Variants in CADM2 observed in about 807,000 individuals in gnomAD.
CADM2 encodes the protein cell adhesion molecule 2, also known as immunoglobulin superfamily member 4D.
CADM2 carries 12 observed loss-of-function variants against 49.8 expected under a neutral mutation model. The ratio of observed to expected loss-of-function variants is 0.24; its 90% confidence interval spans 0.15 to 0.39. CADM2 has a LOEUF of 0.39. CADM2 is among the 10% of genes least tolerant of loss of function. The pLI, the probability that CADM2 is intolerant of heterozygous loss-of-function variation, is 1.00. For synonymous variants in CADM2, 214 were observed against 175.4 expected, an observed-to-expected ratio of 1.22 and a Z score of -1.74; for missense variants, 378 against 492.3, an observed-to-expected ratio of 0.77 and a Z score of 2.20.
At chr3:85,420,176 A>G (rs2036103595) in intron 1 of CADM2, among the ~76,000 whole-genome samples, 1 of 152,098 alleles carries the variant, frequency 6.6e-6, no homozygotes, top group South Asian at 2.1e-4. Flanking sequence ...GGGGAGAAAA[A>G]CTGCTTGCCA....
At chr3:85,264,197 A>G (rs1456930273) in intron 1 of CADM2, among the ~76,000 whole-genome samples, 1 of 152,102 alleles carries the variant, frequency 6.6e-6, no homozygotes, top group Non-Finnish European at 1.5e-5. Flanking sequence ...AGACTTTCCT[A>G]TTAATTCTGC....
intron 3 of CADM2, among the ~76,000 whole-genome samples, chr3:85,849,667 C>G (rs895472659): frequency 1.3e-5 from 2 of 152,040 alleles, no homozygotes; most frequent in African/African-American, 2.4e-5. Flanking sequence ...ATATATAAGC[C>G]ACGCCTGGTG....
intron 1 of CADM2, among the ~76,000 whole-genome samples, chr3:85,525,163 T>TA (rs1176839219): frequency 6.6e-6 from 1 of 152,086 alleles, no homozygotes; most frequent in Non-Finnish European, 1.5e-5. Context: ...AGTAAAAAAT[T>TA]AAAAAATAAA....
intron 1 of CADM2, among the ~76,000 whole-genome samples, chr3:85,716,205 C>T (rs1479091713): frequency 3.9e-5 from 6 of 152,146 alleles, no homozygotes; most frequent in Non-Finnish European, 1.5e-5. Flanking sequence ...ATTCTAACTG[C>T]CATGAGATGG....
chr3:85,169,958 A>G (rs538708131), intron 1 of CADM2, among the ~76,000 whole-genome samples: 36 of 152,300 alleles, frequency 2.4e-4, no homozygotes, highest in Non-Finnish European at 1.0e-4. Flanking sequence ...TGTTGAGCAA[A>G]TTATTTATCT....
intron 1 of CADM2, among the ~76,000 whole-genome samples, chr3:85,666,930 A>C (rs2065588291): frequency 6.6e-6 from 1 of 152,052 alleles, no homozygotes; most frequent in African/African-American, 2.4e-5. Flanking sequence ...ATATATTCTA[A>C]AATAAAACTC....
At chr3:84,983,214 A>G (rs899651894) in intron 1 of CADM2, among the ~76,000 whole-genome samples, 1 of 152,140 alleles carries the variant, frequency 6.6e-6, no homozygotes, top group African/African-American at 2.4e-5. Context: ...ACCATTTAAA[A>G]TAGATATAAA....
Position 85,210,388 on chromosome 3 carries a change from A to T in CADM2, c.61+250720A>T, listed in dbSNP as rs146625745. On this transcript the variant is annotated intron_variant, in intron 1 of 9. Transcript: ENST00000383699. ...AACACAATCAGCTAGCATTTTATTG[A>T]ATATTTTTGCATTAATGTTCGTCAG... Among the ~76,000 whole-genome samples the T allele has an allele frequency of 3.9e-5, 6 of 152,096 alleles. No homozygotes were observed. The East Asian group carries it at 9.7e-4, about 25-fold the overall frequency.
At chr3:85,132,089 A>C (rs908119164) in intron 1 of CADM2, among the ~76,000 whole-genome samples, 2 of 152,214 alleles carry the variant, frequency 1.3e-5, no homozygotes, top group African/African-American at 4.8e-5. Flanking sequence ...TGAAATGAGA[A>C]GGGATAATGT....
intron 1 of CADM2, among the ~76,000 whole-genome samples, chr3:85,638,935 G>C (rs574143977): frequency 6.6e-6 from 1 of 151,686 alleles, no homozygotes; most frequent in Non-Finnish European, 1.5e-5. Flanking sequence ...TTGTTTTGAA[G>C]AAGAAGAAGA....
intron 1 of CADM2, among the ~76,000 whole-genome samples, chr3:85,607,946 C>G (rs112429362): frequency 6.6e-6 from 1 of 151,934 alleles, no homozygotes; most frequent in Admixed American, 6.6e-5. Context: ...TGAGCCACCA[C>G]GCCCGGCCAA....
intron 8 of CADM2, chr3:85,994,133 T>C (rs1483359967): frequency 6.6e-6 from 1 of 152,248 alleles, no homozygotes; most frequent in Non-Finnish European, 1.5e-5. Context: ...TAAATGCTGT[T>C]GCTTAGTGCA....
chr3:85,588,113 A>G (rs1244565063), intron 1 of CADM2, among the ~76,000 whole-genome samples: 1 of 152,002 alleles, frequency 6.6e-6, no homozygotes, highest in Non-Finnish European at 1.5e-5. Flanking sequence ...ATCCTGACTC[A>G]TTTCAGAAAT....
intron 2 of CADM2, among the ~76,000 whole-genome samples, chr3:85,774,260 T>A (rs2107965802): frequency 6.6e-6 from 1 of 152,018 alleles, no homozygotes; most frequent in South Asian, 2.1e-4. Flanking sequence ...TTCGGATGAT[T>A]TCCACATGCA....
At position 86,072,587 on chromosome 3, in the gene CADM2, G is replaced by A. The variant is rs1196325304; in HGVS notation, c.*5804G>A. 6.6e-6 allele frequency: 1 copy of A among 151,996 alleles called. No individual in the cohort carries two copies. The highest frequency in any genetic ancestry group is 2.4e-5 in the African/African-American group (1 of 41,410). The allele number at this position is 151,996 out of a possible 1,614,324, so 9.4% of individuals were successfully genotyped here. ...CAGCAGTAACTACATGGACTTTTAA[G>A]TGCGGTATGAAATGCAACATTACGC... On this transcript the variant is annotated 3_prime_UTR_variant, in exon 10 of 10. Transcript: ENST00000383699.
intron 3 of CADM2, among the ~76,000 whole-genome samples, chr3:85,811,024 G>C (rs1164870968): frequency 6.6e-6 from 1 of 152,166 alleles, no homozygotes; most frequent in African/African-American, 2.4e-5. Flanking sequence ...AATTTTGGCA[G>C]TTACATGAAT....
chr3:85,988,334 G>A (rs1728363932), intron 8 of CADM2, among the ~76,000 whole-genome samples: 2 of 152,140 alleles, frequency 1.3e-5, no homozygotes, highest in South Asian at 4.1e-4. Context: ...CTACTTGATG[G>A]AAAGTGTGTA....
rs1739707788 is a variant in CADM2, at chr3:86,069,932, C to G, written c.*3149C>G. The G allele has an allele frequency of 6.6e-6, 1 of 151,742 alleles. No homozygotes were observed. The highest frequency in any genetic ancestry group is 2.4e-5 in the African/African-American group (1 of 41,478). The allele number at this position is 151,742 out of a possible 1,614,324, so 9.4% of individuals were successfully genotyped here. A position where few individuals can be genotyped will look rare whatever the true frequency, so the allele number is the denominator to read the frequency against. On this transcript the variant is annotated 3_prime_UTR_variant, in exon 10 of 10. Transcript: ENST00000383699. The stretch of plus-strand genomic sequence containing the variant: ...TGTGAGTGCAAGATTAAAGACAGAG[C>G]GCATGAGCAGAGTACTGATGGTGTG...
intron 1 of CADM2, among the ~76,000 whole-genome samples, chr3:85,021,639 G>T (rs1205331642): frequency 6.6e-6 from 1 of 152,090 alleles, no homozygotes; most frequent in African/African-American, 2.4e-5. Context: ...GCCAGGCGTG[G>T]TGGTGGGTGC....
Sources: gnomAD v4.1 joint callset for allele counts (sites outside exome capture counted in the v4.1 genomes callset) on GRCh38, gnomAD v4.1.1 for gene constraint, MANE v1.5 for transcripts, NCBI Gene and HGNC (gene_info 2026-07-23, HGNC 2026-07-21) for gene names.